Variants in PTPRD observed in about 807,000 individuals in gnomAD.
PTPRD encodes the protein protein tyrosine phosphatase receptor type D.
In PTPRD, 34 loss-of-function variants were observed where a neutral mutation model predicts 214.5. The ratio of observed to expected loss-of-function variants is 0.16; its 90% CI spans 0.12 to 0.21. The LOEUF is 0.21. Among genes scored for constraint, PTPRD ranks in the 10% least tolerant of loss-of-function variants. The probability of loss-of-function intolerance (pLI) is 1.00; values close to 1 mark genes in which losing one functional copy is unlikely to be tolerated. For missense variants in PTPRD, 2,545 were observed against 2,398.7 expected (o/e 1.06, Z -1.27); for synonymous variants, 1,128 against 845.7 (o/e 1.33, Z -5.79).
intron 3 of PTPRD, among the ~76,000 whole-genome samples, chr9:10,050,538 C>A (rs1461691861): frequency 7.8e-5 from 6 of 76,994 alleles, no homozygotes; most frequent in African/African-American, 1.0e-4. Flanking sequence ...CCAGCCTGGG[C>A]AATAAAGAGA....
chr9:10,326,949 G>C (rs2096653925), intron 3 of PTPRD, among the ~76,000 whole-genome samples: 1 of 151,386 alleles, frequency 6.6e-6, no homozygotes, highest in Non-Finnish European at 1.5e-5. Context: ...AAAAACTTCA[G>C]TGAACACTTT....
intron 26 of PTPRD, among the ~76,000 whole-genome samples, chr9:8,496,534 C>G (rs1393241713): frequency 6.6e-6 from 1 of 152,152 alleles, no homozygotes; most frequent in African/African-American, 2.4e-5. Context: ...AGTTTTCATT[C>G]AAATATTTTA....
intron 5 of PTPRD, among the ~76,000 whole-genome samples, chr9:9,808,525 C>A (rs1448016376): frequency 1.3e-5 from 2 of 152,134 alleles, no homozygotes; most frequent in African/African-American, 4.8e-5. Flanking sequence ...TTTCTGAGGG[C>A]AGCACAGAGA....
chr9:8,530,453 C>G (rs766180633), intron 14 of PTPRD, among the ~76,000 whole-genome samples: 4 of 152,074 alleles, frequency 2.6e-5, no homozygotes, highest in African/African-American at 7.2e-5. Flanking sequence ...CAAATTCTCT[C>G]AAACATATTT....
intron 30 of PTPRD, among the ~76,000 whole-genome samples, chr9:8,481,747 G>A (rs1164870834): frequency 6.6e-6 from 1 of 151,794 alleles, no homozygotes; most frequent in African/African-American, 2.4e-5. Flanking sequence ...TTGCTATTTT[G>A]TTAACAACTC....
chr9:9,583,207 AT>A (rs1425113854), intron 7 of PTPRD, among the ~76,000 whole-genome samples: 28 of 152,188 alleles, frequency 1.8e-4, no homozygotes, highest in African/African-American at 5.5e-4. Context: ...GATTACAAAT[AT>A]TTTGGGTATC....
At chr9:10,495,230 A>C (rs946151483) in intron 2 of PTPRD, among the ~76,000 whole-genome samples, 1 of 151,968 alleles carries the variant, frequency 6.6e-6, no homozygotes, top group East Asian at 1.9e-4. Flanking sequence ...AGAGTGTGTT[A>C]GAATTAAAGG....
intron 3 of PTPRD, among the ~76,000 whole-genome samples, chr9:10,320,850 C>T (rs918649729): frequency 6.6e-6 from 1 of 151,978 alleles, no homozygotes; most frequent in African/African-American, 2.4e-5. Context: ...ATCTTAGCCT[C>T]CCGAGTAGCT....
chr9:9,831,807 T>C (rs957267969), intron 5 of PTPRD, among the ~76,000 whole-genome samples: 1 of 152,042 alleles, frequency 6.6e-6, no homozygotes, highest in Non-Finnish European at 1.5e-5. Flanking sequence ...TGGAGGGATG[T>C]ATTTTTAGAT....
At chr9:8,599,719 C>T (rs1017944408) in intron 14 of PTPRD, among the ~76,000 whole-genome samples, 13 of 148,776 alleles carry the variant, frequency 8.7e-5, no homozygotes, top group South Asian at 6.4e-4. Context: ...TGGGTTGAAG[C>T]GATTCTCCTG....
intron 8 of PTPRD, among the ~76,000 whole-genome samples, chr9:9,429,553 A>C (rs145731312): frequency 0.32 from 47,950 of 152,102 alleles, 8,101 homozygotes; most frequent in Middle Eastern, 0.41. Flanking sequence ...TCATTTTATG[A>C]GGCCAGCATC....
intron 15 of PTPRD, 36 bp from the exon 16 acceptor site, chr9:8,527,389 T>C (rs551681565): frequency 2.5e-6 from 4 of 1,592,242 alleles, no homozygotes; most frequent in Middle Eastern, 2.1e-4. Flanking sequence ...AAAGACAGCA[T>C]AAAAATATTA....
intron 7 of PTPRD, among the ~76,000 whole-genome samples, chr9:9,717,786 T>C (rs193210864): frequency 1.1e-4 from 17 of 152,318 alleles, no homozygotes; most frequent in African/African-American, 3.8e-4. Flanking sequence ...TTGTTTTTGA[T>C]TTCTCAGACC....
rs536658256 is a variant in PTPRD, at chr9:9,610,073, T to C, written c.-286-35292A>G. Among the ~76,000 whole-genome samples, 5 of 152,238 alleles carry C rather than the reference T, an allele frequency of 3.3e-5. No homozygotes were observed. The East Asian group carries it at 9.7e-4, about 29-fold the overall frequency. On this transcript the variant is annotated intron_variant, in intron 7 of 45. Coordinates refer to ENST00000381196, the MANE Select transcript of PTPRD (RefSeq NM_002839.4). Reference sequence around the variant, plus strand: ...GTCTGGATTCCGTAGACATTTTGGCTTGGGGGACTACTGACATAGAAATAA... The same window carrying C: ...GTCTGGATTCCGTAGACATTTTGGCCTGGGGGACTACTGACATAGAAATAA...
chr9:9,992,874 C>A (rs1183697401), intron 4 of PTPRD, among the ~76,000 whole-genome samples: 3 of 151,912 alleles, frequency 2.0e-5, no homozygotes, highest in Admixed American at 6.6e-5. Context: ...GGGTGCAGCA[C>A]ACCAACATGG....
intron 39 of PTPRD, 147 bp from the exon 40 acceptor site, chr9:8,342,125 A>T: frequency 1.3e-6 from 1 of 787,944 alleles, no homozygotes; most frequent in Non-Finnish European, 1.9e-6. Flanking sequence ...TAATACTCTA[A>T]AGTCAAAAGT....
intron 11 of PTPRD, among the ~76,000 whole-genome samples, chr9:8,939,529 C>A (rs978132792): frequency 1.3e-5 from 2 of 151,784 alleles, no homozygotes; most frequent in Non-Finnish European, 2.9e-5. Flanking sequence ...TTGCTGCAGA[C>A]AATATTTATT....
chr9:8,925,848 C>T (rs972623068), intron 11 of PTPRD, among the ~76,000 whole-genome samples: 3 of 134,642 alleles, frequency 2.2e-5, no homozygotes, highest in African/African-American at 5.7e-5. Flanking sequence ...GTCAGCTGGA[C>T]TATTGCAATA....
At chr9:10,277,769 A>G (rs1476976579) in intron 3 of PTPRD, among the ~76,000 whole-genome samples, 1 of 152,156 alleles carries the variant, frequency 6.6e-6, no homozygotes, top group African/African-American at 2.4e-5. Context: ...TCACCTACAT[A>G]GTGGAGTTAC....
Sources: gnomAD v4.1 joint callset for allele counts (sites outside exome capture counted in the v4.1 genomes callset) on GRCh38, gnomAD v4.1.1 for gene constraint, MANE v1.5 for transcripts, NCBI Gene and HGNC (gene_info 2026-07-23, HGNC 2026-07-21) for gene names.